Variants in CHSY3 observed in about 807,000 individuals in gnomAD.
CHSY3 encodes chondroitin sulfate synthase 3.
A neutral mutation model predicts 67.2 loss-of-function variants in CHSY3; 35 were observed. The ratio of observed to expected loss-of-function variants is 0.52; its 90% CI spans 0.40 to 0.69. The LOEUF is 0.69. Among genes scored for constraint, CHSY3 ranks in the 30% least tolerant of loss-of-function variants. CHSY3 has a pLI of 0.00. For missense variants in CHSY3, 1,069 were observed against 1,138.5 expected (o/e 0.94, Z 0.88); for synonymous variants, 474 against 434.7 (o/e 1.09, Z -1.12).
intron 2 of CHSY3, among the ~76,000 whole-genome samples, chr5:129,953,681 A>T (rs932107511): frequency 6.6e-6 from 1 of 152,068 alleles, no homozygotes; most frequent in African/African-American, 2.4e-5. Context: ...CCTAACTGGT[A>T]TGAGATGGTA....
intron 2 of CHSY3, among the ~76,000 whole-genome samples, chr5:130,034,787 G>A (rs982885708): frequency 6.6e-6 from 1 of 152,144 alleles, no homozygotes; most frequent in Non-Finnish European, 1.5e-5. Flanking sequence ...AGTTGTCACT[G>A]AGAAAATGAC....
chr5:129,976,650 C>T (rs1257593082), intron 2 of CHSY3, among the ~76,000 whole-genome samples: 1 of 151,928 alleles, frequency 6.6e-6, no homozygotes, highest in Non-Finnish European at 1.5e-5. Flanking sequence ...ACCTGAAAAG[C>T]TCTTCACATT....
chr5:129,904,743 A>C lies in CHSY3; in HGVS notation c.-87A>C. 1 of 1,234,456 alleles carries C rather than the reference A, an allele frequency of 8.1e-7. No homozygotes were observed. Among genetic ancestry groups the C allele is most frequent in the Non-Finnish European group, 1.0e-6 (1 of 990,118 alleles). The allele number at this position is 1,234,456 out of a possible 1,614,324, so 76.5% of individuals were successfully genotyped here. The stretch of plus-strand genomic sequence containing the variant: ...GGCTGCGGCCGCGGCTGGGGGCGCA[A>C]AGGCGGAGGAGGGGCGGGTGTGAGC... On this transcript the variant is annotated 5_prime_UTR_variant, in exon 1 of 3. Transcript: ENST00000305031.
At chr5:129,999,650 C>G (rs974812494) in intron 2 of CHSY3, among the ~76,000 whole-genome samples, 1 of 152,102 alleles carries the variant, frequency 6.6e-6, no homozygotes, top group African/African-American at 2.4e-5. Context: ...TCAGATTGCT[C>G]CAGCTACCCT....
At chr5:130,042,334 A>G (rs1327316839) in intron 2 of CHSY3, among the ~76,000 whole-genome samples, 1 of 152,124 alleles carries the variant, frequency 6.6e-6, no homozygotes, top group Non-Finnish European at 1.5e-5. Context: ...GCTCACTAAT[A>G]TGCATTTTCC....
intron 2 of CHSY3, among the ~76,000 whole-genome samples, chr5:130,019,640 C>A (rs115119417): frequency 1.3e-5 from 2 of 152,274 alleles, no homozygotes; most frequent in East Asian, 1.9e-4. Flanking sequence ...ATAACAACCT[C>A]GTTTATCTTT....
chr5:130,063,706 A>T (rs114617223), intron 2 of CHSY3, among the ~76,000 whole-genome samples: 1 of 152,100 alleles, frequency 6.6e-6, no homozygotes. Flanking sequence ...CTGGAGGTTG[A>T]TAAGTCGAAG....
chr5:130,175,988 A>G (rs957573232), intron 2 of CHSY3, among the ~76,000 whole-genome samples: 3 of 152,242 alleles, frequency 2.0e-5, no homozygotes, highest in South Asian at 2.1e-4. Context: ...AACAAAAGCC[A>G]AAATTGACAA....
At chr5:129,979,222 A>AAAG (rs932966552) in intron 2 of CHSY3, among the ~76,000 whole-genome samples, 19 of 149,228 alleles carry the variant, frequency 1.3e-4, no homozygotes, top group Non-Finnish European at 2.4e-4. Flanking sequence ...AAAAAAAAAA[A>AAAG]AAAGAAAGAA....
At chr5:130,171,070 T>C (rs1309834613) in intron 2 of CHSY3, among the ~76,000 whole-genome samples, 1 of 152,144 alleles carries the variant, frequency 6.6e-6, no homozygotes, top group Non-Finnish European at 1.5e-5. Context: ...ATATTCTTCT[T>C]TACCTCCTCT....
chr5:130,020,445 ATATATATATATATATATTTTTTT>A (rs1217879710), intron 2 of CHSY3, among the ~76,000 whole-genome samples: 17 of 13,616 alleles, frequency 1.2e-3, no homozygotes, highest in African/African-American at 2.5e-3. Flanking sequence ...ATATATATAT[ATATATATATATATATATTTTTTT>A]TTTTTTTTTT....
chr5:130,015,452 G>T (rs894695801), intron 2 of CHSY3, among the ~76,000 whole-genome samples: 3 of 152,020 alleles, frequency 2.0e-5, no homozygotes, highest in African/African-American at 7.3e-5. Context: ...CACAAAAGAA[G>T]ACATACACAG....
intron 2 of CHSY3, among the ~76,000 whole-genome samples, chr5:130,063,450 T>A (rs1765775054): frequency 6.6e-6 from 1 of 152,192 alleles, no homozygotes; most frequent in South Asian, 2.1e-4. Flanking sequence ...ATCTCAGATA[T>A]ATATTTGTGT....
intron 2 of CHSY3, among the ~76,000 whole-genome samples, chr5:129,996,007 A>G (rs760452485): frequency 6.6e-6 from 1 of 152,072 alleles, no homozygotes; most frequent in Non-Finnish European, 1.5e-5. Flanking sequence ...CATAGGGCTT[A>G]GAACCAAAAA....
At chr5:130,138,765 T>C (rs892855995) in intron 2 of CHSY3, among the ~76,000 whole-genome samples, 1 of 152,130 alleles carries the variant, frequency 6.6e-6, no homozygotes, top group African/African-American at 2.4e-5. Flanking sequence ...AATTATGAGA[T>C]AAGGATATAT....
chr5:130,178,169 GTA>G (rs1457129433), intron 2 of CHSY3, among the ~76,000 whole-genome samples: 2 of 115,702 alleles, frequency 1.7e-5, no homozygotes, highest in Admixed American at 9.3e-5. Context: ...AGTATTATAT[GTA>G]TATATATGTG....
At chr5:130,046,495 T>C (rs1161199650) in intron 2 of CHSY3, among the ~76,000 whole-genome samples, 1 of 152,146 alleles carries the variant, frequency 6.6e-6, no homozygotes, top group African/African-American at 2.4e-5. Context: ...TTATCTCAAA[T>C]ATCTGGTGAA....
At chr5:129,985,864 AT>A (rs764062485) in intron 2 of CHSY3, among the ~76,000 whole-genome samples, 39 of 152,192 alleles carry the variant, frequency 2.6e-4, no homozygotes, top group Admixed American at 1.4e-3. Context: ...ATTTTTGTAC[AT>A]TGATTTTGTA....
chr5:130,085,725 C>A (rs1202877166), intron 2 of CHSY3, among the ~76,000 whole-genome samples: 3 of 152,076 alleles, frequency 2.0e-5, no homozygotes, highest in Non-Finnish European at 4.4e-5. Flanking sequence ...TGGATCTTTG[C>A]TGCTTTCTCT....
Sources: gnomAD v4.1 joint callset for allele counts (sites outside exome capture counted in the v4.1 genomes callset) on GRCh38, gnomAD v4.1.1 for gene constraint, MANE v1.5 for transcripts, NCBI Gene and HGNC (gene_info 2026-07-23, HGNC 2026-07-21) for gene names.